Variants in FAR1 observed in about 807,000 individuals in gnomAD.
The protein encoded by FAR1 is male sterility domain-containing protein 2.
A neutral mutation model predicts 61.1 loss-of-function variants in FAR1; 22 were observed. The ratio of observed to expected loss-of-function variants is 0.36; its 90% CI spans 0.26 to 0.51. The LOEUF is 0.51. Among genes scored for constraint, FAR1 ranks in the 20% least tolerant of loss-of-function variants. The pLI is 0.95. For missense variants in FAR1, 359 were observed against 626.9 expected (o/e 0.57, Z 4.56); for synonymous variants, 206 against 209.7 (o/e 0.98, Z 0.15).
intron 1 of FAR1, among the ~76,000 whole-genome samples, chr11:13,694,247 A>G (rs1848285542): frequency 6.6e-6 from 1 of 152,140 alleles, no homozygotes; most frequent in African/African-American, 2.4e-5. Context: ...TGTCACTAAG[A>G]GACACGTAGT....
At chr11:13,725,745 T>TTTGTAAGCAGCATATAGTTAG (rs1453868178) in intron 10 of FAR1, among the ~76,000 whole-genome samples, 1 of 152,130 alleles carries the variant, frequency 6.6e-6, no homozygotes, top group South Asian at 2.1e-4. Flanking sequence ...AGATATGTCT[T>TTTGTAAGCAGCATATAGTTAG]TTGTAAGCAG....
intron 1 of FAR1, among the ~76,000 whole-genome samples, chr11:13,674,165 C>T (rs112537400): frequency 0.13 from 19,187 of 151,784 alleles, 1,670 homozygotes; most frequent in Admixed American, 0.23. Context: ...AAAAATTAGC[C>T]GGGCGTGGTG....
At chr11:13,670,440 G>GCC (rs1286249057) in intron 1 of FAR1, among the ~76,000 whole-genome samples, 1 of 152,046 alleles carries the variant, frequency 6.6e-6, no homozygotes, top group East Asian at 1.9e-4. Flanking sequence ...ACAGAGACAT[G>GCC]CCCCACCGCA....
chr11:13,714,399 ACT>A, intron 8 of FAR1, 108 bp from the exon 9 acceptor site: 4 of 1,106,606 alleles, frequency 3.6e-6, no homozygotes, highest in Non-Finnish European at 1.3e-6. Context: ...AAATGTACGA[ACT>A]CTGACATCTT....
rs1004329373 is a variant in FAR1 at position 13,686,235 on chromosome 11, T to G, written c.-7-8524T>G. Among the ~76,000 whole-genome samples the G allele has an allele frequency of 2.6e-5, 4 of 152,168 alleles. No homozygotes were observed. The South Asian group carries it at 8.3e-4, about 31-fold the overall frequency. Reference sequence around the variant, plus strand: ...AGAGACAGTTTGTGCTAAATAAATTTTTCTTTCCCTTTCTTCCCTTAACTA... The same window carrying G: ...AGAGACAGTTTGTGCTAAATAAATTGTTCTTTCCCTTTCTTCCCTTAACTA... On this transcript the variant is annotated intron_variant, in intron 1 of 11. Transcript: ENST00000354817.
At chr11:13,694,349 C>T (rs1172778513) in intron 1 of FAR1, among the ~76,000 whole-genome samples, 1 of 152,136 alleles carries the variant, frequency 6.6e-6, no homozygotes, top group Admixed American at 6.5e-5. Flanking sequence ...GTAATTGAGT[C>T]TTGCTGCTGA....
At chr11:13,724,106 C>T (rs931924217) in intron 10 of FAR1, among the ~76,000 whole-genome samples, 4 of 151,854 alleles carry the variant, frequency 2.6e-5, no homozygotes, top group East Asian at 3.9e-4. Context: ...TTTTTGAAGC[C>T]GGGATTGAAA....
At chr11:13,689,715 C>T (rs1848226686) in intron 1 of FAR1, among the ~76,000 whole-genome samples, 1 of 152,060 alleles carries the variant, frequency 6.6e-6, no homozygotes, top group Non-Finnish European at 1.5e-5. Flanking sequence ...AGTACCATCT[C>T]CTAAGTATCA....
intron 10 of FAR1, among the ~76,000 whole-genome samples, chr11:13,722,864 A>C (rs201326122): frequency 0.035 from 4,204 of 118,796 alleles, 64 homozygotes; most frequent in South Asian, 0.054. Flanking sequence ...CTCTCTATAT[A>C]TATATATATA....
chr11:13,684,889 A>G (rs1565340312), intron 1 of FAR1, among the ~76,000 whole-genome samples: 1 of 152,190 alleles, frequency 6.6e-6, no homozygotes, highest in Non-Finnish European at 1.5e-5. Flanking sequence ...TGGTATAGGA[A>G]TTTGTAGAAA....
At chr11:13,708,443 G>GCACACACACA (rs770468143) in intron 4 of FAR1, among the ~76,000 whole-genome samples, 185 of 84,394 alleles carry the variant, frequency 2.2e-3, no homozygotes, top group Non-Finnish European at 3.3e-3. Flanking sequence ...GTGCGCGCGC[G>GCACACACACA]CGCGCACACA....
chr11:13,693,745 C>G (rs182914253), intron 1 of FAR1, among the ~76,000 whole-genome samples: 22 of 152,206 alleles, frequency 1.4e-4, no homozygotes, highest in Admixed American at 2.6e-4. Flanking sequence ...TATGGCTATT[C>G]TACCAATTCA....
chr11:13,708,021 A>G lies in FAR1; in HGVS notation c.487A>G (p.Ile163Val), dbSNP rs1251953308. The G allele has an allele frequency of 1.2e-6, 2 of 1,609,346 alleles. No homozygotes were observed. The highest frequency in any genetic ancestry group is 1.7e-6 in the Non-Finnish European group (2 of 1,177,764). ...TAYAYCNRKH[I>V]DEVVYPPPVD... The stretch of plus-strand genomic sequence containing the variant: ...ATATGCCTACTGTAATCGCAAGCAT[A>G]TTGATGAAGTAGTCTATCCACCACC... The change falls in exon 4 of 12, where the codon ATT becomes GTT. Residue 163 changes from isoleucine (I) to valine (V), a missense_variant. This residue lies in a region of FAR1 where 344 missense variants were observed against 570.3 expected (regional missense o/e 0.60). Coordinates refer to ENST00000354817, the MANE Select transcript of FAR1 (RefSeq NM_032228.6).
At chr11:13,714,303 A>G (rs1474728380) in intron 8 of FAR1, among the ~76,000 whole-genome samples, 2 of 152,192 alleles carry the variant, frequency 1.3e-5, no homozygotes, top group Non-Finnish European at 2.9e-5. Flanking sequence ...AAATTCATAA[A>G]TAGCGGCAGT....
intron 1 of FAR1, among the ~76,000 whole-genome samples, chr11:13,673,784 A>T (rs1158845596): frequency 1.3e-5 from 2 of 152,356 alleles, no homozygotes; most frequent in African/African-American, 4.8e-5. Flanking sequence ...TGAAATGGTT[A>T]CTATGTCTTA....
rs552791973 is a variant in FAR1, at chr11:13,713,778, G to A, written c.956-731G>A. On this transcript the variant is annotated intron_variant, in intron 8 of 11. Coordinates refer to ENST00000354817, the MANE Select transcript of FAR1 (RefSeq NM_032228.6). Reference sequence around the variant, plus strand: ...TTTTCTGTGGCATTTTTATTTCAGTGTAAAATTGACCATTAGAGCATATAA... The same window carrying A: ...TTTTCTGTGGCATTTTTATTTCAGTATAAAATTGACCATTAGAGCATATAA... Among the ~76,000 whole-genome samples, 10 of 152,050 alleles carry A rather than the reference G, an allele frequency of 6.6e-5. No individual in the cohort carries two copies. In the South Asian group the frequency reaches 2.1e-3, roughly 32 times the overall value.
At chr11:13,722,872 AT>A (rs1848626961) in intron 10 of FAR1, among the ~76,000 whole-genome samples, 1 of 149,500 alleles carries the variant, frequency 6.7e-6, no homozygotes, top group Non-Finnish European at 1.5e-5. Context: ...ATATATATAT[AT>A]ATATAAAATA....
intron 1 of FAR1, among the ~76,000 whole-genome samples, chr11:13,671,989 G>C (rs1848010175): frequency 1.3e-5 from 2 of 152,178 alleles, no homozygotes; most frequent in African/African-American, 4.8e-5. Context: ...AGAAACCTGG[G>C]ATAGAGTTTT....
chr11:13,730,122 T>TTA lies in FAR1; in HGVS notation c.*1349_*1350dup, dbSNP rs1374771372. On this transcript the variant is annotated 3_prime_UTR_variant, in exon 12 of 12. Transcript: ENST00000354817. ...AAATTGTTCAGCATAACACTTCTAA[T>TTA]TAAGTTTATCAAGTTGTACTGTATT... 1.3e-5 allele frequency: 2 copies of TTA among 152,444 alleles called. No homozygotes were observed. The highest frequency in any genetic ancestry group is 2.4e-5 in the African/African-American group (1 of 41,456). 9.4% of individuals were successfully genotyped at this position (152,444 alleles called of 1,614,324 possible).
Sources: allele counts gnomAD v4.1 joint callset (sites outside exome capture counted in the v4.1 genomes callset), GRCh38; gene constraint gnomAD v4.1.1; regional missense constraint gnomAD v4.1.1; transcripts MANE v1.5; gene names NCBI Gene and HGNC (gene_info 2026-07-23, HGNC 2026-07-21).